The following INPP5A variants were observed in gnomAD, a reference collection of about 807,000 sequenced individuals.
INPP5A encodes inositol polyphosphate-5-phosphatase A.
Under a neutral mutation model 65.2 loss-of-function variants are expected in INPP5A, and 14 were observed. The ratio of observed to expected loss-of-function variants is 0.21; its 90% CI spans 0.14 to 0.34. The LOEUF is 0.34. Ranked by LOEUF, INPP5A falls within the 10% of genes least tolerant of loss-of-function variation. The probability of loss-of-function intolerance (pLI) is 1.00; values close to 1 mark genes in which losing one functional copy is unlikely to be tolerated. For missense variants in INPP5A, 431 were observed against 545.6 expected (o/e 0.79, Z 2.09); for synonymous variants, 207 against 208.3 (o/e 0.99, Z 0.05).
chr10:132,543,255 A>C (rs2070928934), intron 1 of INPP5A, among the ~76,000 whole-genome samples: 7 of 144,094 alleles, frequency 4.9e-5, no homozygotes, highest in South Asian at 2.3e-4. Flanking sequence ...CAGCCTCCCC[A>C]CCCCCTGCAG....
At chr10:132,563,409 C>A (rs1198340075) in intron 1 of INPP5A, among the ~76,000 whole-genome samples, 11 of 152,194 alleles carry the variant, frequency 7.2e-5, no homozygotes, top group Non-Finnish European at 1.5e-5. Flanking sequence ...CAAATGTGAG[C>A]ACCAGCTGTG....
At position 132,545,010 on chromosome 10, in the gene INPP5A, A is replaced by G. The variant is rs1326184101; in HGVS notation, c.75+6839A>G. Among the ~76,000 whole-genome samples, 2 of 152,128 alleles carry G rather than the reference A, an allele frequency of 1.3e-5. No individual in the cohort carries two copies. The highest frequency in any genetic ancestry group is 1.5e-5 in the Non-Finnish European group (1 of 68,016). Reference sequence around the variant, plus strand: ...AAGCACCCAGATCGACCTGTCGGGCAGTGTTGGGAGAATGTCTGCACGTAG... The same window carrying G: ...AAGCACCCAGATCGACCTGTCGGGCGGTGTTGGGAGAATGTCTGCACGTAG... On this transcript the variant is annotated intron_variant, in intron 1 of 15. Coordinates refer to ENST00000368594, the MANE Select transcript of INPP5A (RefSeq NM_005539.5). The surrounding 1 kb of genome is among the most constrained non-coding windows in gnomAD (Gnocchi z 4.6).
chr10:132,691,821 G>A (rs1383954078), intron 5 of INPP5A, among the ~76,000 whole-genome samples: 1 of 147,634 alleles, frequency 6.8e-6, no homozygotes, highest in Non-Finnish European at 1.5e-5. Context: ...TGCGGTCGCG[G>A]GAGACGTGTG....
intron 8 of INPP5A, 90 bp downstream of exon 8, chr10:132,710,546 A>T (rs149657562): frequency 6.7e-7 from 1 of 1,502,178 alleles, no homozygotes; most frequent in African/African-American, 1.5e-5. Context: ...TGGGCGGACA[A>T]GTAGGTATGC....
At chr10:132,747,757 C>G (rs1404499618) in intron 9 of INPP5A, among the ~76,000 whole-genome samples, 2 of 152,206 alleles carry the variant, frequency 1.3e-5, no homozygotes, top group Non-Finnish European at 1.5e-5. Context: ...CTTAAAAAAA[C>G]AGATTTATAG....
chr10:132,758,902 G>A (rs1846680367), intron 11 of INPP5A, among the ~76,000 whole-genome samples: 1 of 152,286 alleles, frequency 6.6e-6, no homozygotes, highest in African/African-American at 2.4e-5. Context: ...TTCGTCAGTT[G>A]GATTCAGACC....
chr10:132,728,634 G>A (rs2134586592), intron 9 of INPP5A, among the ~76,000 whole-genome samples: 1 of 152,372 alleles, frequency 6.6e-6, no homozygotes, highest in Non-Finnish European at 1.5e-5. Flanking sequence ...CTCTGACTGG[G>A]AGGGGCCAGG....
Position 132,708,131 on chromosome 10 carries a change from C to T in INPP5A, c.475-182C>T, listed in dbSNP as rs372347865. Among the ~76,000 whole-genome samples, 30 of 152,328 alleles carry T rather than the reference C, an allele frequency of 2.0e-4. No homozygotes were observed. The East Asian group carries it at 2.1e-3, about 11-fold the overall frequency. ...AGCAGCCCCTGCAGGCATCTCTGTG[C>T]GAAGCCCCACTTGAGGATAGGTGCA... On this transcript the variant is annotated intron_variant, in intron 6 of 15. Coordinates refer to ENST00000368594, the MANE Select transcript of INPP5A (RefSeq NM_005539.5).
At position 132,753,521 on chromosome 10, in the gene INPP5A, T is replaced by A. The variant is rs1264563857; in HGVS notation, c.903+3676T>A. On this transcript the variant is annotated intron_variant, in intron 11 of 15. Transcript: ENST00000368594. The surrounding 1 kb of genome is among the most constrained non-coding windows in gnomAD (Gnocchi z 5.3). Reference sequence around the variant, plus strand: ...AATGTGTCCATGCCTATTGACTTTTTCTATGATTTATAGCTTTGTTTAGTC... The same window carrying A: ...AATGTGTCCATGCCTATTGACTTTTACTATGATTTATAGCTTTGTTTAGTC... Among the ~76,000 whole-genome samples, 3 of 152,212 alleles carry A rather than the reference T, an allele frequency of 2.0e-5. No individual in the cohort carries two copies. Among genetic ancestry groups the A allele is most frequent in the Non-Finnish European group, 4.4e-5 (3 of 68,044 alleles).
intron 8 of INPP5A, among the ~76,000 whole-genome samples, chr10:132,711,040 C>A (rs1020424129): frequency 1.3e-5 from 2 of 152,208 alleles, no homozygotes; most frequent in South Asian, 4.1e-4. Flanking sequence ...TGGAGCTGCA[C>A]CCTCACAATG....
chr10:132,664,962 C>T (rs1314772150), intron 4 of INPP5A, among the ~76,000 whole-genome samples: 3 of 152,112 alleles, frequency 2.0e-5, no homozygotes, highest in Non-Finnish European at 2.9e-5. Context: ...CAGGTTTTCC[C>T]GTTGCAACTG....
At chr10:132,700,826 A>G (rs1186507056) in intron 6 of INPP5A, among the ~76,000 whole-genome samples, 1 of 152,286 alleles carries the variant, frequency 6.6e-6, no homozygotes, top group Non-Finnish European at 1.5e-5. Flanking sequence ...CCGCAGCAGA[A>G]ACTAACAAAA....
intron 9 of INPP5A, among the ~76,000 whole-genome samples, chr10:132,733,947 T>G (rs1227914188): frequency 4.6e-5 from 7 of 152,164 alleles, no homozygotes; most frequent in African/African-American, 1.4e-4. Context: ...CATCCTGGGC[T>G]CTCCCGGACC....
At chr10:132,561,018 T>G (rs1052013980) in intron 1 of INPP5A, among the ~76,000 whole-genome samples, 5 of 151,980 alleles carry the variant, frequency 3.3e-5, no homozygotes, top group South Asian at 4.1e-4. Context: ...TTCTGTGTGT[T>G]GTCTTCGCTT....
At chr10:132,573,623 G>A (rs1015006705) in intron 1 of INPP5A, among the ~76,000 whole-genome samples, 12 of 123,566 alleles carry the variant, frequency 9.7e-5, no homozygotes, top group East Asian at 5.3e-4. Flanking sequence ...GTTGGGGTGT[G>A]CGTGCCGTGT....
rs1214867677 is a variant in INPP5A at position 132,545,799 on chromosome 10, T to C, written c.75+7628T>C. On this transcript the variant is annotated intron_variant, in intron 1 of 15. Transcript: ENST00000368594. The surrounding 1 kb of genome is among the most constrained non-coding windows in gnomAD (Gnocchi z 4.6). ...TGGTTGGTGCTGCCATGGGCTCAGA[T>C]CTGGCGTTTTCCAAGCTCCCCCTGC... 6.6e-6 allele frequency among the ~76,000 whole-genome samples: 1 copy of C among 152,192 alleles called. No individual in the cohort carries two copies. The highest frequency in any genetic ancestry group is 1.5e-5 in the Non-Finnish European group (1 of 68,020).
intron 2 of INPP5A, among the ~76,000 whole-genome samples, chr10:132,611,970 C>T (rs1230211402): frequency 3.7e-5 from 4 of 107,978 alleles, no homozygotes; most frequent in Admixed American, 2.0e-4. Context: ...GTGAGGAGGG[C>T]AGGGGAGAGG....
intron 1 of INPP5A, among the ~76,000 whole-genome samples, chr10:132,570,921 C>T (rs554773088): frequency 1.4e-4 from 21 of 152,356 alleles, no homozygotes; most frequent in African/African-American, 3.8e-4. Flanking sequence ...ATCGGCACAG[C>T]GGCGCATCAC....
At chr10:132,671,503 G>C (rs534491634) in intron 4 of INPP5A, among the ~76,000 whole-genome samples, 1 of 152,048 alleles carries the variant, frequency 6.6e-6, no homozygotes, top group Non-Finnish European at 1.5e-5. Flanking sequence ...TTTCTGCTTC[G>C]GTATCTACCT....
Sources: allele counts gnomAD v4.1 joint callset (sites outside exome capture counted in the v4.1 genomes callset), GRCh38; gene constraint gnomAD v4.1.1; non-coding constraint Gnocchi (gnomAD v3.1); transcripts MANE v1.5; gene names NCBI Gene and HGNC (gene_info 2026-07-23, HGNC 2026-07-21).